The following ROBO2 variants were observed in gnomAD, a reference collection of about 807,000 sequenced individuals.
ROBO2 encodes roundabout guidance receptor 2.
Under a neutral mutation model 160.8 loss-of-function variants are expected in ROBO2, and 53 were observed. The observed-to-expected ratio is 0.33, with a 90% confidence interval of 0.26 to 0.41. The LOEUF (loss-of-function observed/expected upper bound fraction) is 0.41, where lower values mean the gene tolerates loss of function less well. Ranked by LOEUF, ROBO2 falls within the 10% of genes least tolerant of loss-of-function variation. The pLI, the probability that ROBO2 is intolerant of heterozygous loss-of-function variation, is 1.00. For missense variants in ROBO2, 1,577 were observed against 1,722.4 expected, an observed-to-expected ratio of 0.92 and a Z score of 1.49; for synonymous variants, 664 against 611.7, an observed-to-expected ratio of 1.09 and a Z score of -1.26.
At chr3:77,261,348 T>G (rs2058759488) in intron 2 of ROBO2, among the ~76,000 whole-genome samples, 1 of 152,084 alleles carries the variant, frequency 6.6e-6, no homozygotes, top group Admixed American at 6.6e-5. Context: ...AGGGTGATAT[T>G]CTCTCCAAAG....
At chr3:77,430,392 G>A (rs187172675) in intron 2 of ROBO2, among the ~76,000 whole-genome samples, 2 of 152,198 alleles carry the variant, frequency 1.3e-5, no homozygotes, top group African/African-American at 4.8e-5. Context: ...GGTCAGAGGT[G>A]TGCTGGTGAA....
intron 2 of ROBO2, among the ~76,000 whole-genome samples, chr3:76,206,833 G>C (rs1702837729): frequency 6.6e-6 from 1 of 152,118 alleles, no homozygotes; most frequent in Non-Finnish European, 1.5e-5. Flanking sequence ...CAAAGCATCT[G>C]TACCCACAGC....
chr3:76,798,284 G>GAA (rs1179946112), intron 2 of ROBO2, among the ~76,000 whole-genome samples: 3 of 145,328 alleles, frequency 2.1e-5, no homozygotes, highest in Non-Finnish European at 3.0e-5. Flanking sequence ...AAGAAAGAAA[G>GAA]AAAGAAAGAA....
chr3:76,112,413 A>G (rs575888918), intron 2 of ROBO2, among the ~76,000 whole-genome samples: 23 of 152,076 alleles, frequency 1.5e-4, no homozygotes, highest in African/African-American at 5.3e-4. Context: ...CCTTCTTTTT[A>G]TATCTGGTAG....
At chr3:76,477,623 T>G (rs775035513) in intron 2 of ROBO2, among the ~76,000 whole-genome samples, 1 of 152,104 alleles carries the variant, frequency 6.6e-6, no homozygotes, top group African/African-American at 2.4e-5. Flanking sequence ...TTTAAAAAAA[T>G]TTTAAAAGGT....
intron 2 of ROBO2, among the ~76,000 whole-genome samples, chr3:77,270,954 A>C (rs907770164): frequency 1.2e-4 from 18 of 152,210 alleles, no homozygotes; most frequent in African/African-American, 3.9e-4. Flanking sequence ...TTAAAAAAAA[A>C]AAAAAACGGT....
chr3:77,547,850 A>G (rs969415573), intron 7 of ROBO2, among the ~76,000 whole-genome samples: 1 of 152,114 alleles, frequency 6.6e-6, no homozygotes, highest in Non-Finnish European at 1.5e-5. Context: ...ACAGGTTTCT[A>G]CACATAGAGT....
At chr3:77,157,390 G>C (rs916869672) in intron 2 of ROBO2, among the ~76,000 whole-genome samples, 34 of 152,044 alleles carry the variant, frequency 2.2e-4, no homozygotes, top group African/African-American at 7.7e-4. Flanking sequence ...GTCTTCTGCT[G>C]AAAGTCTTAT....
At chr3:77,541,372 A>G (rs1223093167) in intron 6 of ROBO2, among the ~76,000 whole-genome samples, 1 of 151,904 alleles carries the variant, frequency 6.6e-6, no homozygotes, top group Non-Finnish European at 1.5e-5. Context: ...TCACCCACTC[A>G]CTCTCACCAG....
intron 2 of ROBO2, among the ~76,000 whole-genome samples, chr3:77,027,403 G>C (rs1179158767): frequency 6.6e-6 from 1 of 152,178 alleles, no homozygotes; most frequent in African/African-American, 2.4e-5. Flanking sequence ...GTGGGTATAA[G>C]AGAGGCTGAT....
rs1317629532 is a variant in ROBO2 at position 76,340,156 on chromosome 3, G to T, written c.109+402554G>T. 2.0e-5 allele frequency among the ~76,000 whole-genome samples: 3 copies of T among 151,040 alleles called. No individual in the cohort carries two copies. In the East Asian group the frequency reaches 5.8e-4, roughly 29 times the overall value. On this transcript the variant is annotated intron_variant, in intron 2 of 26. Coordinates refer to the ROBO2 transcript ENST00000487694. Reference sequence around the variant, plus strand: ...TTACGTAATAAGAAGCTAGTTAATTGCACAACACTGACTGTGATTTTACTA... The same window carrying T: ...TTACGTAATAAGAAGCTAGTTAATTTCACAACACTGACTGTGATTTTACTA...
intron 2 of ROBO2, among the ~76,000 whole-genome samples, chr3:77,326,050 GA>G (rs1330176221): frequency 6.6e-6 from 1 of 152,044 alleles, no homozygotes; most frequent in Non-Finnish European, 1.5e-5. Context: ...TTTATTGAGG[GA>G]AAATAGCAAT....
chr3:76,543,251 G>T (rs1052181613), intron 2 of ROBO2, among the ~76,000 whole-genome samples: 5 of 152,214 alleles, frequency 3.3e-5, no homozygotes, highest in Middle Eastern at 3.4e-3. Context: ...ATATGTAGAA[G>T]TGTTAACCCA....
chr3:76,284,062 G>T lies in ROBO2; in HGVS notation c.109+346460G>T, dbSNP rs145550147. Among the ~76,000 whole-genome samples the T allele has an allele frequency of 5.5e-3, 832 of 151,978 alleles. 11 individuals are homozygous for T. The highest frequency in any genetic ancestry group is 0.018 in the African/African-American group (739 of 41,470). ...ATTCTAATTGCAGTGGCTTCATTTG[G>T]TTCCAATTTCATATCCTTATCCTTA... On this transcript the variant is annotated intron_variant, in intron 2 of 26. Coordinates refer to the ROBO2 transcript ENST00000487694.
At chr3:77,428,436 A>C (rs1241648835) in intron 2 of ROBO2, among the ~76,000 whole-genome samples, 1 of 140,040 alleles carries the variant, frequency 7.1e-6, no homozygotes, top group East Asian at 2.1e-4. Flanking sequence ...GCTCACTTGC[A>C]AGCTCCACTT....
chr3:76,236,868 T>C (rs1434096451), intron 2 of ROBO2, among the ~76,000 whole-genome samples: 1 of 152,108 alleles, frequency 6.6e-6, no homozygotes, highest in African/African-American at 2.4e-5. Flanking sequence ...CCCTAAGGTA[T>C]ATAATGTAAC....
At chr3:75,915,346 A>G (rs1359745220) in intron 1 of ROBO2, among the ~76,000 whole-genome samples, 1 of 152,180 alleles carries the variant, frequency 6.6e-6, no homozygotes, top group Non-Finnish European at 1.5e-5. Context: ...CAGAAATGCT[A>G]TTGAGATCAT....
At chr3:75,978,883 T>A (rs945641838) in intron 2 of ROBO2, among the ~76,000 whole-genome samples, 3 of 151,576 alleles carry the variant, frequency 2.0e-5, no homozygotes, top group African/African-American at 7.3e-5. Flanking sequence ...ACATGTAGGA[T>A]GGGGCATGAG....
At chr3:76,778,694 C>T (rs1008408059) in intron 2 of ROBO2, among the ~76,000 whole-genome samples, 1 of 151,058 alleles carries the variant, frequency 6.6e-6, no homozygotes, top group African/African-American at 2.4e-5. Context: ...TATAGGCAAT[C>T]TCTTTTTGCA....
Sources: allele counts gnomAD v4.1 joint callset (sites outside exome capture counted in the v4.1 genomes callset), GRCh38; gene constraint gnomAD v4.1.1; transcripts MANE v1.5; gene names NCBI Gene and HGNC (gene_info 2026-07-23, HGNC 2026-07-21).